Variants in LDLRAD4 observed in about 807,000 individuals in gnomAD.
LDLRAD4 encodes low density lipoprotein receptor class A domain containing 4.
A neutral mutation model predicts 17.0 loss-of-function variants in LDLRAD4; 5 were observed. The ratio of observed to expected loss-of-function variants is 0.29; its 90% CI spans 0.15 to 0.62. The LOEUF (loss-of-function observed/expected upper bound fraction) is 0.62, where lower values mean the gene tolerates loss of function less well. Among genes scored for constraint, LDLRAD4 ranks in the 20% least tolerant of loss-of-function variants. LDLRAD4 has a pLI of 0.84. For missense variants in LDLRAD4, 340 were observed against 424.7 expected, an observed-to-expected ratio of 0.80 and a Z score of 1.75; for synonymous variants, 168 against 171.8, an observed-to-expected ratio of 0.98 and a Z score of 0.17.
Position 13,621,358 on chromosome 18 carries a change from TC to T in LDLRAD4, c.336+88del. The T allele has an allele frequency of 9.7e-7, 1 of 1,032,576 alleles. No homozygotes were observed. The highest frequency in any genetic ancestry group is 1.3e-5 in the South Asian group (1 of 75,752). 64.0% of individuals were successfully genotyped at this position (1,032,576 alleles called of 1,614,324 possible). A position where few individuals can be genotyped will look rare whatever the true frequency, so the allele number is the denominator to read the frequency against. ...CAGGGTTCAGAGGCCGGGAGTGCTT[TC>T]AGTTGACATGTAACAAACGGGGCGA... On this transcript the variant is annotated intron_variant, in intron 4 of 5. Coordinates refer to ENST00000359446, the Ensembl canonical transcript of LDLRAD4. This position sits in a 1 kb window ranked among gnomAD's most constrained non-coding sequence, Gnocchi z 5.5.
intron 3 of LDLRAD4, among the ~76,000 whole-genome samples, chr18:13,477,925 G>A (rs568839355): frequency 2.6e-5 from 4 of 152,230 alleles, no homozygotes; most frequent in Non-Finnish European, 4.4e-5. Context: ...CCGTGGTCCC[G>A]GGCTCGGATA....
At chr18:13,625,495 A>G (rs1030933908) in intron 4 of LDLRAD4, among the ~76,000 whole-genome samples, 1 of 152,104 alleles carries the variant, frequency 6.6e-6, no homozygotes, top group Non-Finnish European at 1.5e-5. Flanking sequence ...GGGCCAGACC[A>G]AGCTTAACCA....
At chr18:13,521,333 A>C (rs911547725) in intron 3 of LDLRAD4, 1 of 152,230 alleles carries the variant, frequency 6.6e-6, no homozygotes, top group Admixed American at 6.5e-5. Context: ...GCATATTTAC[A>C]TGATTAGACT....
Position 13,260,244 on chromosome 18 carries a change from A to G in LDLRAD4, c.-466-17861A>G, listed in dbSNP as rs1028005625. ...GTGCCCACTTGCCAAGGTGTGAGCA[A>G]TGCGCCCTGTTCTGCTGTGAGCCTT... is the stretch of plus-strand genomic sequence containing the variant. On this transcript the variant is annotated intron_variant, in intron 1 of 5. Transcript: ENST00000399848. Among the ~76,000 whole-genome samples, 7 of 152,260 alleles carry G rather than the reference A, an allele frequency of 4.6e-5. No homozygotes were observed. In the East Asian group the frequency reaches 5.8e-4, roughly 13 times the overall value.
intron 3 of LDLRAD4, among the ~76,000 whole-genome samples, chr18:13,545,105 A>AGTG (rs2094342341): frequency 6.6e-6 from 1 of 151,844 alleles, no homozygotes; most frequent in South Asian, 2.1e-4. Context: ...CAGCTGAGAG[A>AGTG]GTGGGGTGGT....
intron 1 of LDLRAD4, among the ~76,000 whole-genome samples, chr18:13,298,492 C>T (rs540614212): frequency 7.5e-4 from 96 of 128,846 alleles, no homozygotes; most frequent in Non-Finnish European, 1.0e-3. Context: ...GCTCCGGGCA[C>T]GGTGATGGAG....
intron 3 of LDLRAD4, among the ~76,000 whole-genome samples, chr18:13,511,704 T>C (rs1467407580): frequency 6.6e-6 from 1 of 152,164 alleles, no homozygotes; most frequent in African/African-American, 2.4e-5. Flanking sequence ...TTCTGGCCCC[T>C]CAGTAGGAAA....
chr18:13,594,926 G>T (rs2095076574), intron 3 of LDLRAD4, among the ~76,000 whole-genome samples: 3 of 152,074 alleles, frequency 2.0e-5, no homozygotes, highest in African/African-American at 7.2e-5. Context: ...CTTGTTTCAG[G>T]TCTATTGAGA....
At chr18:13,311,199 A>G (rs1599315316) in intron 1 of LDLRAD4, among the ~76,000 whole-genome samples, 1 of 152,344 alleles carries the variant, frequency 6.6e-6, no homozygotes, top group East Asian at 1.9e-4. Flanking sequence ...GTACCAGGAC[A>G]TGTAATGGGT....
chr18:13,573,115 A>AT (rs1349879865), intron 3 of LDLRAD4, among the ~76,000 whole-genome samples: 1 of 151,856 alleles, frequency 6.6e-6, no homozygotes, highest in African/African-American at 2.4e-5. Flanking sequence ...ATTTTATTTT[A>AT]TTTTTTTGAG....
chr18:13,384,969 C>T (rs1036367932), intron 1 of LDLRAD4, among the ~76,000 whole-genome samples: 5 of 152,106 alleles, frequency 3.3e-5, no homozygotes, highest in African/African-American at 4.8e-5. Flanking sequence ...ATATTTTTGA[C>T]ATACCTATTT....
At chr18:13,277,136 G>A (rs145730605), upstream of LDLRAD4, among the ~76,000 whole-genome samples, 347 of 152,318 alleles carry the variant, frequency 2.3e-3, 2 homozygotes, top group Non-Finnish European at 4.2e-3. Flanking sequence ...CTAGCTAGGT[G>A]CAGCCGTGTT....
chr18:13,230,395 A>G (rs1046898669), intron 1 of LDLRAD4, among the ~76,000 whole-genome samples: 25 of 152,178 alleles, frequency 1.6e-4, no homozygotes, highest in African/African-American at 5.6e-4. Flanking sequence ...GGGAAAGAGT[A>G]ATCTAGTGGG....
chr18:13,222,201 T>A (rs2041495519), intron 1 of LDLRAD4, among the ~76,000 whole-genome samples: 1 of 152,188 alleles, frequency 6.6e-6, no homozygotes, highest in Admixed American at 6.5e-5. Context: ...CCCATCCATT[T>A]ATTTACTCAT....
chr18:13,517,546 G>A (rs972526177), intron 3 of LDLRAD4, among the ~76,000 whole-genome samples: 1 of 152,218 alleles, frequency 6.6e-6, no homozygotes, highest in African/African-American at 2.4e-5. Context: ...CAGTCACTGT[G>A]TTCAGGGAGG....
intron 2 of LDLRAD4, among the ~76,000 whole-genome samples, chr18:13,394,161 A>T (rs1291510008): frequency 6.6e-6 from 1 of 152,204 alleles, no homozygotes; most frequent in South Asian, 2.1e-4. Flanking sequence ...TTAGCCTCGA[A>T]TCTAGTCCTC....
At chr18:13,243,502 C>T (rs2042773786) in intron 1 of LDLRAD4, among the ~76,000 whole-genome samples, 1 of 151,484 alleles carries the variant, frequency 6.6e-6, no homozygotes, top group Non-Finnish European at 1.5e-5. Context: ...ACCCGTTCCT[C>T]TATCCATTCA....
At chr18:13,566,603 C>T (rs2094605477) in intron 3 of LDLRAD4, among the ~76,000 whole-genome samples, 1 of 152,116 alleles carries the variant, frequency 6.6e-6, no homozygotes, top group East Asian at 1.9e-4. Context: ...CCTCATGATC[C>T]ACCCGCCTTG....
intron 3 of LDLRAD4, among the ~76,000 whole-genome samples, chr18:13,476,478 G>A (rs1233281329): frequency 1.3e-5 from 2 of 152,000 alleles, no homozygotes; most frequent in African/African-American, 4.8e-5. Context: ...TTAAGAATTA[G>A]CCTGGCATGG....
Sources: gnomAD v4.1 joint callset for allele counts (sites outside exome capture counted in the v4.1 genomes callset) on GRCh38, gnomAD v4.1.1 for gene constraint, Gnocchi (gnomAD v3.1) non-coding constraint, MANE v1.5 for transcripts, NCBI Gene and HGNC (gene_info 2026-07-23, HGNC 2026-07-21) for gene names.